Variants in HDAC11 observed in about 807,000 individuals in gnomAD.
HDAC11 encodes histone deacetylase 11.
HDAC11 carries 23 observed loss-of-function variants against 41.1 expected under a neutral mutation model. That is an observed-to-expected ratio of 0.56 (90% CI 0.40 to 0.79). The LOEUF (loss-of-function observed/expected upper bound fraction) is 0.79. Ranked by LOEUF, HDAC11 falls within the 30% of genes least tolerant of loss-of-function variation. The pLI, the probability that HDAC11 is intolerant of heterozygous loss-of-function variation, is 0.00. For synonymous variants in HDAC11, 187 were observed against 186.6 expected (o/e 1.00, Z -0.02); for missense variants, 402 against 477.3 (o/e 0.84, Z 1.47).
intron 2 of HDAC11, among the ~76,000 whole-genome samples, chr3:13,483,091 G>A (rs1701397975): frequency 6.6e-6 from 1 of 151,428 alleles, no homozygotes; most frequent in South Asian, 2.1e-4. Flanking sequence ...AAAAAAAAGG[G>A]CGGGGGGAAG....
rs1182326206 is a variant in HDAC11, at chr3:13,502,639, A to T, written c.553-245A>T. The T allele has an allele frequency of 7.0e-6, 3 of 427,300 alleles. No homozygotes were observed. The highest frequency in any genetic ancestry group is 6.7e-4 in the Middle Eastern group (1 of 1,496). The allele number at this position is 427,300 out of a possible 1,614,324, so 26.5% of individuals were successfully genotyped here. A position where few individuals can be genotyped will look rare whatever the true frequency, so the allele number is the denominator to read the frequency against. ...AGACTTGAGAGGGTGGCAGAGCGGG[A>T]TTTCTTCCTCTGATAGGGAACCTAA... On this transcript the variant is annotated intron_variant, in intron 7 of 9. Coordinates refer to ENST00000295757, the MANE Select transcript of HDAC11 (RefSeq NM_024827.4). The surrounding 1 kb of genome is among the most constrained non-coding windows in gnomAD (Gnocchi z 4.1).
chr3:13,495,861 AC>A (rs1387340816), intron 3 of HDAC11, among the ~76,000 whole-genome samples: 5 of 151,928 alleles, frequency 3.3e-5, no homozygotes, highest in Non-Finnish European at 7.4e-5. Context: ...CTCTCTAATA[AC>A]CCCCACCCAG....
intron 3 of HDAC11, among the ~76,000 whole-genome samples, chr3:13,488,840 C>T (rs56746042): frequency 0.035 from 5,354 of 152,066 alleles, 128 homozygotes; most frequent in African/African-American, 0.068. Flanking sequence ...GTGATCTCCA[C>T]GGGGGCTGCA....
Position 13,502,632 on chromosome 3 carries a change from G to C in HDAC11, c.553-252G>C, listed in dbSNP as rs1702424947. 2.4e-6 allele frequency: 1 copy of C among 420,270 alleles called. No homozygotes were observed. Among genetic ancestry groups the C allele is most frequent in the Non-Finnish European group, 4.4e-6 (1 of 228,352 alleles). The allele number at this position is 420,270 out of a possible 1,614,324, so 26.0% of individuals were successfully genotyped here. On this transcript the variant is annotated intron_variant, in intron 7 of 9. Transcript: ENST00000295757. This position sits in a 1 kb window ranked among gnomAD's most constrained non-coding sequence, Gnocchi z 4.1. ...CCACCACAGACTTGAGAGGGTGGCAGAGCGGGATTTCTTCCTCTGATAGGG... is the reference window on the plus strand; with the variant it reads ...CCACCACAGACTTGAGAGGGTGGCACAGCGGGATTTCTTCCTCTGATAGGG...
intron 3 of HDAC11, among the ~76,000 whole-genome samples, chr3:13,489,661 G>A (rs974488588): frequency 6.6e-6 from 1 of 152,134 alleles, no homozygotes; most frequent in African/African-American, 2.4e-5. Flanking sequence ...CCGTCTCCTG[G>A]GTTCAAGCAA....
intron 3 of HDAC11, among the ~76,000 whole-genome samples, chr3:13,490,019 A>G (rs1383145143): frequency 4.7e-5 from 7 of 149,442 alleles, no homozygotes; most frequent in African/African-American, 1.7e-4. Flanking sequence ...TTTGAGACGC[A>G]GTCTCGCTTT....
chr3:13,495,049 C>T (rs1702032932), intron 3 of HDAC11, among the ~76,000 whole-genome samples: 1 of 152,096 alleles, frequency 6.6e-6, no homozygotes, highest in Non-Finnish European at 1.5e-5. Context: ...ACTCCTCCTC[C>T]TGGTTGGTGA....
In HDAC11 at chr3:13,480,789, G is replaced by A. The variant is rs1321492330; in HGVS notation, c.2+440G>A. 2.2e-6 allele frequency: 1 copy of A among 446,926 alleles called. No homozygotes were observed. Among genetic ancestry groups the A allele is most frequent in the South Asian group, 1.7e-5 (1 of 59,460 alleles). 27.7% of individuals were successfully genotyped at this position (446,926 alleles called of 1,614,324 possible). A position where few individuals can be genotyped will look rare whatever the true frequency, so the allele number is the denominator to read the frequency against. On this transcript the variant is annotated intron_variant, in intron 1 of 9. Coordinates refer to ENST00000295757, the MANE Select transcript of HDAC11 (RefSeq NM_024827.4). The surrounding 1 kb of genome is among the most constrained non-coding windows in gnomAD (Gnocchi z 4.6). ...CCTGGCTCAGGTTGGGTCCCGACTT[G>A]GGTTTCTGAGTGCTTACTGTGCTCA...
chr3:13,504,186 G>A lies in HDAC11; in HGVS notation c.742G>A (p.Glu248Lys). Residue 248 changes from glutamate (E) to lysine (K), a missense_variant, in exon 9 of 10, where the codon GAG becomes AAG. Coordinates refer to ENST00000295757, the MANE Select transcript of HDAC11 (RefSeq NM_024827.4). ...GAGGAACATCAAGAAATCCCTCCAG[G>A]AGCACCTGCCCGACGTGGTGGTATA... ...VERNIKKSLQ[E>K]HLPDVVVYNA... 1 of 1,614,022 alleles carries A rather than the reference G, an allele frequency of 6.2e-7. No individual in the cohort carries two copies.
chr3:13,488,035 A>T (rs1025606347), intron 3 of HDAC11, among the ~76,000 whole-genome samples: 4 of 150,850 alleles, frequency 2.7e-5, no homozygotes, highest in Non-Finnish European at 5.9e-5. Flanking sequence ...TCATCTGGGG[A>T]AGGGCATTCC....
intron 5 of HDAC11, among the ~76,000 whole-genome samples, chr3:13,500,181 C>G (rs1012094911): frequency 6.6e-6 from 1 of 152,134 alleles, no homozygotes; most frequent in Non-Finnish European, 1.5e-5. Context: ...CTCTGCAATT[C>G]AGGCCATCCC....
chr3:13,487,112 G>A (rs554684606), intron 3 of HDAC11, among the ~76,000 whole-genome samples: 1 of 152,156 alleles, frequency 6.6e-6, no homozygotes, highest in Non-Finnish European at 1.5e-5. Context: ...TCACGAGGGG[G>A]TTTTCAGCAG....
intron 3 of HDAC11, among the ~76,000 whole-genome samples, chr3:13,486,865 C>A (rs1701619625): frequency 6.6e-6 from 1 of 152,148 alleles, no homozygotes; most frequent in Non-Finnish European, 1.5e-5. Context: ...AGGCATGAGC[C>A]ACTGCTCCTG....
At chr3:13,500,914 C>A in intron 6 of HDAC11, 125 bp downstream of exon 6, 1 of 725,388 alleles carries the variant, frequency 1.4e-6, no homozygotes, top group Non-Finnish European at 2.2e-6. Flanking sequence ...AGGGAGGGGG[C>A]TTGTTTGGGT....
At chr3:13,488,863 G>T (rs570851501) in intron 3 of HDAC11, among the ~76,000 whole-genome samples, 1 of 151,912 alleles carries the variant, frequency 6.6e-6, no homozygotes, top group Non-Finnish European at 1.5e-5. Flanking sequence ...ATTTCCACCA[G>T]TAATGTACCA....
At chr3:13,485,607 G>A (rs1310856526) in intron 3 of HDAC11, among the ~76,000 whole-genome samples, 5 of 152,328 alleles carry the variant, frequency 3.3e-5, no homozygotes, top group Non-Finnish European at 7.4e-5. Flanking sequence ...AAGCCTGAAA[G>A]CAGCTTACTA....
At chr3:13,501,708 G>T in intron 6 of HDAC11, 163 bp from the exon 7 acceptor site, 1 of 732,290 alleles carries the variant, frequency 1.4e-6, no homozygotes, top group Non-Finnish European at 2.5e-6. Flanking sequence ...CACAGCTGGA[G>T]CTGCACAGCT....
Position 13,504,662 on chromosome 3 carries a change from G to T in HDAC11, c.1023G>T (p.Leu341=), listed in dbSNP as rs149243601. The change falls in exon 10 of 10, where the codon CTG becomes CTT. Residue 341 remains leucine, a synonymous_variant. Coordinates refer to ENST00000295757, the MANE Select transcript of HDAC11 (RefSeq NM_024827.4). ...SVSAQNSDTP[L]LPPAVP ...CCGCACAGAACTCAGACACACCGCT[G>T]CTTCCCCCTGCAGTGCCCTGACCCT... 2.0e-5 allele frequency: 32 copies of T among 1,613,752 alleles called. No individual in the cohort carries two copies. In the African/African-American group the frequency reaches 4.0e-4, roughly 20 times the overall value.
Position 13,502,831 on chromosome 3 carries a change from C to T in HDAC11, c.553-53C>T. 12 of 1,465,394 alleles carry T rather than the reference C, an allele frequency of 8.2e-6. No individual in the cohort carries two copies. The highest frequency in any genetic ancestry group is 1.4e-5 in the African/African-American group (1 of 72,080). The allele number at this position is 1,465,394 out of a possible 1,614,324, so 90.8% of individuals were successfully genotyped here. A position where few individuals can be genotyped will look rare whatever the true frequency, so the allele number is the denominator to read the frequency against. ...TGAGGGGTGGGTGGGTGGCAGAGCC[C>T]CAGCCTTGCCTAGGGCACCTACCCG... On this transcript the variant is annotated intron_variant, in intron 7 of 9. Transcript: ENST00000295757. The surrounding 1 kb of genome is among the most constrained non-coding windows in gnomAD (Gnocchi z 4.1).
Sources: gnomAD v4.1 joint callset for allele counts (sites outside exome capture counted in the v4.1 genomes callset) on GRCh38, gnomAD v4.1.1 for gene constraint, Gnocchi (gnomAD v3.1) non-coding constraint, MANE v1.5 for transcripts, NCBI Gene and HGNC (gene_info 2026-07-23, HGNC 2026-07-21) for gene names.